KIF13A: variants seen among roughly 807,000 people sequenced by gnomAD.
KIF13A encodes kinesin-like protein KIF13A.
A neutral mutation model predicts 212.2 loss-of-function variants in KIF13A; 79 were observed. The observed-to-expected ratio is 0.37, with a 90% CI of 0.31 to 0.45. The LOEUF (loss-of-function observed/expected upper bound fraction) is 0.45. Among genes scored for constraint, KIF13A ranks in the 20% least tolerant of loss-of-function variants. KIF13A has a pLI of 1.00. For synonymous variants in KIF13A, 789 were observed against 808.6 expected (o/e 0.98, Z 0.41); for missense variants, 1,901 against 2,209.0 (o/e 0.86, Z 2.79).
At chr6:17,941,742 G>A (rs1174342342) in intron 2 of KIF13A, among the ~76,000 whole-genome samples, 1 of 150,342 alleles carries the variant, frequency 6.7e-6, no homozygotes, top group Non-Finnish European at 1.5e-5. Context: ...AAGGCACCCA[G>A]TCTGTGGTAC....
chr6:17,905,735 A>G (rs1266871930), intron 2 of KIF13A, among the ~76,000 whole-genome samples: 1 of 152,170 alleles, frequency 6.6e-6, no homozygotes, highest in Non-Finnish European at 1.5e-5. Context: ...AATAGGGGGA[A>G]TCATCTGTGC....
chr6:17,953,196 C>A (rs1778027850), intron 2 of KIF13A, among the ~76,000 whole-genome samples: 1 of 152,014 alleles, frequency 6.6e-6, no homozygotes. Flanking sequence ...GAAAGGAAGG[C>A]ATTATTCTGT....
At chr6:17,817,912 A>G (rs1048738099) in intron 16 of KIF13A, among the ~76,000 whole-genome samples, 1 of 152,060 alleles carries the variant, frequency 6.6e-6, no homozygotes, top group Non-Finnish European at 1.5e-5. Context: ...AAAGGTATAG[A>G]TGTACTAACA....
chr6:17,924,515 T>C (rs1350888550), intron 2 of KIF13A, among the ~76,000 whole-genome samples: 3 of 152,224 alleles, frequency 2.0e-5, no homozygotes, highest in Admixed American at 1.3e-4. Flanking sequence ...GATTTTTTAG[T>C]CACTCAACTA....
In KIF13A at chr6:17,785,568, A is replaced by G. The variant is rs1195820549; in HGVS notation, c.3435T>C (p.Asn1145=). The change falls in exon 28 of 39, where the codon AAT becomes AAC. Residue 1145 remains asparagine, a synonymous_variant. Transcript: ENST00000259711. This position sits in a 1 kb window ranked among gnomAD's most constrained non-coding sequence, Gnocchi z 5.8. ...EQWVGLTEER[N]AVLVPAPGSG... ...TGCCTGGGGCTGGCACCAGCACAGC[A>G]TTCCTTTCCTCAGTCAGCCCTACCC... is the stretch of plus-strand genomic sequence containing the variant. 2 of 1,603,462 alleles carry G rather than the reference A, an allele frequency of 1.2e-6. No homozygotes were observed. Among genetic ancestry groups the G allele is most frequent in the Non-Finnish European group, 8.5e-7 (1 of 1,175,484 alleles).
intron 4 of KIF13A, among the ~76,000 whole-genome samples, chr6:17,861,854 T>A (rs921835811): frequency 6.6e-6 from 1 of 152,200 alleles, no homozygotes; most frequent in African/African-American, 2.4e-5. Context: ...GGTCTTACCT[T>A]ATTCTTGGTC....
At chr6:17,973,118 A>G (rs966060838) in intron 2 of KIF13A, among the ~76,000 whole-genome samples, 1 of 152,216 alleles carries the variant, frequency 6.6e-6, no homozygotes. Context: ...ATCCTCAGAA[A>G]CAAAACACGA....
chr6:17,840,562 C>A (rs1045846733), intron 9 of KIF13A, among the ~76,000 whole-genome samples: 2 of 152,072 alleles, frequency 1.3e-5, no homozygotes, highest in South Asian at 2.1e-4. Flanking sequence ...TGACCTTTCA[C>A]ATGAAAATAC....
At chr6:17,983,172 C>CAAA (rs530156481) in intron 2 of KIF13A, among the ~76,000 whole-genome samples, 2 of 76,662 alleles carry the variant, frequency 2.6e-5, no homozygotes, top group African/African-American at 8.4e-5. Context: ...GACTCCATCT[C>CAAA]AAAAAAAAAA....
intron 2 of KIF13A, among the ~76,000 whole-genome samples, chr6:17,976,118 C>T (rs1780427648): frequency 6.6e-6 from 1 of 152,264 alleles, no homozygotes; most frequent in Non-Finnish European, 1.5e-5. Flanking sequence ...ACTCAGGAGC[C>T]CAGCTGGCTT....
At chr6:17,911,936 T>C (rs1774106511) in intron 2 of KIF13A, among the ~76,000 whole-genome samples, 1 of 152,084 alleles carries the variant, frequency 6.6e-6, no homozygotes, top group Admixed American at 6.5e-5. Flanking sequence ...AGCTAATTTT[T>C]TGTATTTTAG....
chr6:17,898,694 T>G lies in KIF13A; in HGVS notation c.147-514A>C, dbSNP rs1244033728. 6.6e-6 allele frequency among the ~76,000 whole-genome samples: 1 copy of G among 152,156 alleles called. No homozygotes were observed. The highest frequency in any genetic ancestry group is 2.4e-5 in the African/African-American group (1 of 41,398). On this transcript the variant is annotated intron_variant, in intron 2 of 38. Transcript: ENST00000259711. This position sits in a 1 kb window ranked among gnomAD's most constrained non-coding sequence, Gnocchi z 5.2. ...TTAAATAACTCATATTTTTTAACAC[T>G]GAATAGACATTTAAAAGCAAGTTTC...
rs1247160212 is a variant in KIF13A at position 17,786,705 on chromosome 6, T to G, written c.3362-1064A>C. On this transcript the variant is annotated intron_variant, in intron 27 of 38. Coordinates refer to ENST00000259711, the MANE Select transcript of KIF13A (RefSeq NM_022113.6). The surrounding 1 kb of genome is among the most constrained non-coding windows in gnomAD (Gnocchi z 5.4). ...TGAAAGGGATTTTATCTGATATACT[T>G]TGAAATCCTCTTATTCATAATTCAA... Among the ~76,000 whole-genome samples, 3 of 152,204 alleles carry G rather than the reference T, an allele frequency of 2.0e-5. No homozygotes were observed. Among genetic ancestry groups the G allele is most frequent in the Non-Finnish European group, 2.9e-5 (2 of 68,024 alleles).
Position 17,777,406 on chromosome 6 carries a change from C to G in KIF13A, c.4093-52G>C. The stretch of plus-strand genomic sequence containing the variant: ...CACTTTTTTTTTTTTTCCCCAGAGA[C>G]AGAGTCTCACTCTGTTGCCCAGGCT... On this transcript the variant is annotated intron_variant, in intron 33 of 38. Coordinates refer to ENST00000259711, the MANE Select transcript of KIF13A (RefSeq NM_022113.6). This position sits in a 1 kb window ranked among gnomAD's most constrained non-coding sequence, Gnocchi z 4.4. 1 of 1,398,122 alleles carries G rather than the reference C, an allele frequency of 7.2e-7. No homozygotes were observed. 86.6% of individuals were successfully genotyped at this position (1,398,122 alleles called of 1,614,324 possible). A position where few individuals can be genotyped will look rare whatever the true frequency, so the allele number is the denominator to read the frequency against.
At position 17,777,395 on chromosome 6, in the gene KIF13A, TTC is replaced by T; in HGVS notation, c.4093-43_4093-42del. The T allele has an allele frequency of 1.3e-6, 2 of 1,494,840 alleles. No homozygotes were observed. The highest frequency in any genetic ancestry group is 1.8e-6 in the Non-Finnish European group (2 of 1,090,478). The allele number at this position is 1,494,840 out of a possible 1,614,324, so 92.6% of individuals were successfully genotyped here. ...TTTGAAAATAACACTTTTTTTTTTT[TTC>T]CCCAGAGACAGAGTCTCACTCTGTT... On this transcript the variant is annotated intron_variant, in intron 33 of 38. Transcript: ENST00000259711. This position sits in a 1 kb window ranked among gnomAD's most constrained non-coding sequence, Gnocchi z 4.4.
intron 4 of KIF13A, 91 bp downstream of exon 4, chr6:17,873,286 A>G (rs933915323): frequency 1.1e-5 from 9 of 826,556 alleles, no homozygotes; most frequent in East Asian, 2.7e-5. Flanking sequence ...TTACACAGGG[A>G]AAGTAAAACT....
chr6:17,858,953 T>C (rs1216175008), intron 4 of KIF13A, among the ~76,000 whole-genome samples: 2 of 151,998 alleles, frequency 1.3e-5, no homozygotes, highest in East Asian at 3.8e-4. Flanking sequence ...AGAGAAGTAC[T>C]GTGGTCAAAG....
chr6:17,821,974 T>G (rs1394398048), intron 16 of KIF13A: 2 of 1,509,978 alleles, frequency 1.3e-6, no homozygotes, highest in Admixed American at 4.0e-5. Flanking sequence ...CATCAGAGAC[T>G]GTGTGTATGC....
In KIF13A at chr6:17,816,172, C is replaced by A. The variant is rs187203586; in HGVS notation, c.2000+848G>T. Among the ~76,000 whole-genome samples the A allele has an allele frequency of 4.6e-5, 7 of 151,786 alleles. No homozygotes were observed. The highest frequency in any genetic ancestry group is 7.4e-5 in the Non-Finnish European group (5 of 67,978). ...GACCTCAGGCGATCCGCTGCCTTGG[C>A]CTCCCAAAGTGCTGGGATTACAGGC... On this transcript the variant is annotated intron_variant, in intron 17 of 38. Coordinates refer to ENST00000259711, the MANE Select transcript of KIF13A (RefSeq NM_022113.6). The surrounding 1 kb of genome is among the most constrained non-coding windows in gnomAD (Gnocchi z 4.3).
Sources: allele counts gnomAD v4.1 joint callset (sites outside exome capture counted in the v4.1 genomes callset), GRCh38; gene constraint gnomAD v4.1.1; non-coding constraint Gnocchi (gnomAD v3.1); transcripts MANE v1.5; gene names NCBI Gene and HGNC (gene_info 2026-07-23, HGNC 2026-07-21).